Variants in UGGT2 observed in about 807,000 individuals in gnomAD.
UGGT2 encodes UDP-glucose glycoprotein glucosyltransferase 2.
Under a neutral mutation model 192.1 loss-of-function variants are expected in UGGT2, and 180 were observed. The observed-to-expected ratio is 0.94, with a 90% CI of 0.83 to 1.06. The LOEUF is 1.06. UGGT2 is among the 50% of genes least tolerant of loss of function. The pLI, the probability that UGGT2 is intolerant of heterozygous loss-of-function variation, is 0.00. For missense variants in UGGT2, 1,849 were observed against 1,795.7 expected (o/e 1.03, Z -0.54); for synonymous variants, 580 against 591.0 (o/e 0.98, Z 0.27).
chr13:96,025,362 T>C (rs958182924), intron 2 of UGGT2, among the ~76,000 whole-genome samples: 6 of 152,180 alleles, frequency 3.9e-5, no homozygotes, highest in African/African-American at 1.4e-4. Flanking sequence ...AATCAGGCAA[T>C]GAGTCATCTT....
chr13:95,968,288 T>C (rs2050653458), intron 12 of UGGT2, among the ~76,000 whole-genome samples: 1 of 152,152 alleles, frequency 6.6e-6, no homozygotes, highest in Admixed American at 6.5e-5. Context: ...GAACTTTATA[T>C]ATAGCCTAAT....
intron 38 of UGGT2, among the ~76,000 whole-genome samples, chr13:95,803,353 C>T (rs1196371155): frequency 2.0e-5 from 3 of 150,576 alleles, no homozygotes; most frequent in Non-Finnish European, 1.5e-5. Flanking sequence ...CTCCGCCTCC[C>T]GGGTTCAAGC....
chr13:96,034,024 G>A (rs562871268), intron 1 of UGGT2, among the ~76,000 whole-genome samples: 3 of 152,224 alleles, frequency 2.0e-5, no homozygotes, highest in Non-Finnish European at 4.4e-5. Context: ...GAGAACGTAC[G>A]GTGTTTTTGT....
intron 12 of UGGT2, among the ~76,000 whole-genome samples, chr13:95,956,193 G>A (rs1341018147): frequency 1.3e-5 from 2 of 152,042 alleles, no homozygotes; most frequent in Non-Finnish European, 2.9e-5. Flanking sequence ...AAAACAATGT[G>A]GTACTAGAAT....
At chr13:96,014,002 G>C (rs189618257) in intron 4 of UGGT2, among the ~76,000 whole-genome samples, 14 of 152,234 alleles carry the variant, frequency 9.2e-5, no homozygotes, top group African/African-American at 3.4e-4. Context: ...GCCAGGCACT[G>C]TGCTAGGTTC....
intron 12 of UGGT2, among the ~76,000 whole-genome samples, chr13:95,967,445 C>A (rs986719509): frequency 4.6e-5 from 7 of 150,658 alleles, no homozygotes; most frequent in Admixed American, 1.3e-4. Context: ...AGCCACCACG[C>A]CCAGCCCCCA....
At chr13:95,842,395 G>A (rs538020646) in intron 36 of UGGT2, among the ~76,000 whole-genome samples, 1 of 152,244 alleles carries the variant, frequency 6.6e-6, no homozygotes, top group Middle Eastern at 3.4e-3. Flanking sequence ...CATGTTGTCT[G>A]TGTATAAATA....
intron 2 of UGGT2, among the ~76,000 whole-genome samples, chr13:96,027,481 T>A (rs2052704059): frequency 6.6e-6 from 1 of 152,206 alleles, no homozygotes; most frequent in South Asian, 2.1e-4. Flanking sequence ...CCCTTCAATA[T>A]TTTCTGCCTT....
At chr13:95,817,476 T>A (rs1274391187) in intron 38 of UGGT2, among the ~76,000 whole-genome samples, 1 of 151,934 alleles carries the variant, frequency 6.6e-6, no homozygotes, top group Non-Finnish European at 1.5e-5. Flanking sequence ...CCCAGATACT[T>A]GGGAGGCTGA....
chr13:95,944,078 T>C (rs2049783889), intron 15 of UGGT2, among the ~76,000 whole-genome samples: 1 of 152,012 alleles, frequency 6.6e-6, no homozygotes, highest in South Asian at 2.1e-4. Flanking sequence ...AAATACTTTC[T>C]TTTATTCATT....
At position 95,900,901 on chromosome 13, in the gene UGGT2, G is replaced by A. The variant is rs1566660673; in HGVS notation, c.2540C>T (p.Thr847Ile). 1.9e-6 allele frequency: 3 copies of A among 1,604,112 alleles called. No homozygotes were observed. The highest frequency in any genetic ancestry group is 1.7e-6 in the Non-Finnish European group (2 of 1,176,546). Residue 847 changes from threonine (T) to isoleucine (I), a missense_variant, in exon 22 of 39, where the codon ACT becomes ATT. Coordinates refer to ENST00000376747, the MANE Select transcript of UGGT2 (RefSeq NM_020121.4). ...AGTTCGAAAAATATTCACTCCAACA[G>A]TATTATATTTTTTCTCAAAAGCATT... is the stretch of plus-strand genomic sequence containing the variant. ...DKNAFEKKYN[T>I]VGVNIFRTHQ...
intron 37 of UGGT2, among the ~76,000 whole-genome samples, chr13:95,836,302 G>C (rs540713367): frequency 1.7e-3 from 266 of 152,198 alleles, no homozygotes; most frequent in Non-Finnish European, 2.6e-3. Context: ...CACCTGCCTC[G>C]GCCTCTTAAA....
intron 31 of UGGT2, among the ~76,000 whole-genome samples, chr13:95,862,502 CCTCCTCCCAT>C (rs1190756213): frequency 2.6e-5 from 4 of 152,136 alleles, no homozygotes; most frequent in African/African-American, 9.7e-5. Flanking sequence ...GGGAATCATT[CCTCCTCCCAT>C]CTCATTCTAT....
intron 38 of UGGT2, among the ~76,000 whole-genome samples, chr13:95,808,054 C>A (rs975758799): frequency 3.3e-5 from 5 of 152,054 alleles, no homozygotes; most frequent in Non-Finnish European, 7.4e-5. Context: ...CCGATAGACA[C>A]CTCCAGTGTT....
intron 1 of UGGT2, among the ~76,000 whole-genome samples, chr13:96,052,340 G>A (rs967344010): frequency 2.0e-5 from 3 of 152,118 alleles, no homozygotes; most frequent in Admixed American, 2.0e-4. Flanking sequence ...GGGAGTGAGG[G>A]ATAAAAGACT....
At chr13:95,938,296 A>G (rs534581422) in intron 16 of UGGT2, among the ~76,000 whole-genome samples, 1 of 152,342 alleles carries the variant, frequency 6.6e-6, no homozygotes, top group Non-Finnish European at 1.5e-5. Flanking sequence ...GGCAGAGGCC[A>G]GATCATGAAG....
intron 38 of UGGT2, among the ~76,000 whole-genome samples, chr13:95,821,407 TG>T (rs1885497256): frequency 6.6e-6 from 1 of 152,180 alleles, no homozygotes; most frequent in African/African-American, 2.4e-5. Context: ...TTTCTATTCA[TG>T]TCCTTTGCCC....
intron 29 of UGGT2, among the ~76,000 whole-genome samples, chr13:95,868,891 T>C (rs1374854496): frequency 6.6e-6 from 1 of 152,080 alleles, no homozygotes; most frequent in Non-Finnish European, 1.5e-5. Flanking sequence ...CTGTTTTTTT[T>C]TTATTTATTA....
intron 12 of UGGT2, among the ~76,000 whole-genome samples, chr13:95,969,309 AT>A (rs1218762225): frequency 3.9e-5 from 6 of 152,104 alleles, no homozygotes; most frequent in Non-Finnish European, 7.4e-5. Flanking sequence ...ACCCCTGCTG[AT>A]TTTTTCACAT....
Sources: gnomAD v4.1 joint callset for allele counts (sites outside exome capture counted in the v4.1 genomes callset) on GRCh38, gnomAD v4.1.1 for gene constraint, MANE v1.5 for transcripts, NCBI Gene and HGNC (gene_info 2026-07-23, HGNC 2026-07-21) for gene names.